Variants in IGSF11 observed in about 807,000 individuals in gnomAD.
IGSF11 encodes the protein CXADR like 1.
IGSF11 carries 22 observed loss-of-function variants against 41.0 expected under a neutral mutation model. That is an observed-to-expected ratio of 0.54 (90% CI 0.38 to 0.77). The LOEUF is 0.77. Among genes scored for constraint, IGSF11 ranks in the 30% least tolerant of loss-of-function variants. The probability of loss-of-function intolerance (pLI) is 0.00; values close to 1 mark genes in which losing one functional copy is unlikely to be tolerated. For synonymous variants in IGSF11, 219 were observed against 201.3 expected (o/e 1.09, Z -0.74); for missense variants, 444 against 530.8 (o/e 0.84, Z 1.61).
At chr3:119,107,246 C>T (rs1004217107), upstream of IGSF11, among the ~76,000 whole-genome samples, 1 of 152,182 alleles carries the variant, frequency 6.6e-6, no homozygotes. Flanking sequence ...CTCTCCAGCA[C>T]CTGTTGTTTC....
At chr3:118,946,204 G>GCACA (rs148772016) in intron 1 of IGSF11, among the ~76,000 whole-genome samples, 282 of 140,718 alleles carry the variant, frequency 2.0e-3, no homozygotes, top group Middle Eastern at 7.1e-3. Flanking sequence ...ACACACACAC[G>GCACA]CACACACACA....
At chr3:118,976,330 C>T (rs1426170489) in intron 1 of IGSF11, among the ~76,000 whole-genome samples, 3 of 152,152 alleles carry the variant, frequency 2.0e-5, no homozygotes, top group Non-Finnish European at 4.4e-5. Context: ...TCTTTTTTGG[C>T]TAATGGTAAC....
At chr3:119,061,778 G>GTT (rs11394485) in intron 1 of IGSF11, among the ~76,000 whole-genome samples, 3,359 of 149,318 alleles carry the variant, frequency 0.022, 51 homozygotes, top group Non-Finnish European at 0.027. Context: ...TTTAACTATA[G>GTT]TTTTTTTTTT....
intron 1 of IGSF11, among the ~76,000 whole-genome samples, chr3:119,080,375 C>T (rs2107479950): frequency 6.6e-6 from 1 of 152,254 alleles, no homozygotes; most frequent in African/African-American, 2.4e-5. Flanking sequence ...TCTCATTTTA[C>T]TCCAAAAAAA....
intron 1 of IGSF11, among the ~76,000 whole-genome samples, chr3:119,020,387 C>T (rs1939170372): frequency 6.6e-6 from 1 of 152,312 alleles, no homozygotes; most frequent in Middle Eastern, 3.4e-3. Flanking sequence ...TGCACAGCTG[C>T]ACAGCATACA....
chr3:118,916,106 G>A (rs1941049868), intron 4 of IGSF11, among the ~76,000 whole-genome samples: 1 of 149,958 alleles, frequency 6.7e-6, no homozygotes, highest in Non-Finnish European at 1.5e-5. Context: ...CCTGAAGGAA[G>A]CGCTAAACAT....
chr3:118,956,881 T>C (rs528478631), intron 1 of IGSF11, among the ~76,000 whole-genome samples: 1 of 152,266 alleles, frequency 6.6e-6, no homozygotes, highest in Admixed American at 6.5e-5. Flanking sequence ...ACCTTCAATG[T>C]GTGAAAAATG....
chr3:119,095,022 TGAAAAA>T (rs2076827535), intron 1 of IGSF11, among the ~76,000 whole-genome samples: 1 of 152,080 alleles, frequency 6.6e-6, no homozygotes, highest in African/African-American at 2.4e-5. Flanking sequence ...TGTAATATTA[TGAAAAA>T]CTTTCCTGAA....
At chr3:118,954,488 G>A (rs966724097) in intron 1 of IGSF11, among the ~76,000 whole-genome samples, 3 of 152,088 alleles carry the variant, frequency 2.0e-5, no homozygotes, top group African/African-American at 7.2e-5. Context: ...CATGCACAAG[G>A]GTTGGAATCA....
At chr3:118,935,182 A>C (rs1943148426) in intron 1 of IGSF11, among the ~76,000 whole-genome samples, 1 of 150,058 alleles carries the variant, frequency 6.7e-6, no homozygotes, top group Non-Finnish European at 1.5e-5. Flanking sequence ...CATGTTGCTA[A>C]ATTGATCTAA....
At chr3:119,024,197 A>C (rs573792292) in intron 1 of IGSF11, among the ~76,000 whole-genome samples, 316 of 152,356 alleles carry the variant, frequency 2.1e-3, no homozygotes, top group African/African-American at 7.1e-3. Context: ...TACACATATT[A>C]ATCAACAAGC....
chr3:119,116,300 T>C (rs2077255236), intron 1 of IGSF11, among the ~76,000 whole-genome samples: 1 of 152,154 alleles, frequency 6.6e-6, no homozygotes, highest in Admixed American at 6.5e-5. Flanking sequence ...ATTGGTCTTT[T>C]GCTCTTGGAC....
rs149422291 is a variant in IGSF11 at position 118,984,781 on chromosome 3, C to T, written c.52+49750G>A. Among the ~76,000 whole-genome samples, 64 of 152,222 alleles carry T rather than the reference C, an allele frequency of 4.2e-4. 2 individuals are homozygous for T. The East Asian group carries it at 5.6e-3, about 13-fold the overall frequency. On this transcript the variant is annotated intron_variant, in intron 1 of 6. Coordinates refer to ENST00000393775, the MANE Select transcript of IGSF11 (RefSeq NM_001015887.3). ...GAAATAAAATGAAGTGTACCCTCCA[C>T]GCTGAGACAAGAGGAGGGAAAGGTA...
intron 1 of IGSF11, among the ~76,000 whole-genome samples, chr3:119,139,574 G>A (rs1257995962): frequency 6.6e-6 from 1 of 152,160 alleles, no homozygotes; most frequent in Non-Finnish European, 1.5e-5. Flanking sequence ...CATGTAAGAC[G>A]TGACTTGCTC....
intron 1 of IGSF11, among the ~76,000 whole-genome samples, chr3:119,054,884 AG>A (rs2107441674): frequency 6.9e-6 from 1 of 145,958 alleles, no homozygotes; most frequent in Non-Finnish European, 1.5e-5. Flanking sequence ...TGCCTCCTCA[AG>A]TGGGTCCCTG....
At chr3:118,911,292 T>C (rs903377520) in intron 4 of IGSF11, among the ~76,000 whole-genome samples, 4 of 152,252 alleles carry the variant, frequency 2.6e-5, no homozygotes, top group Non-Finnish European at 4.4e-5. Flanking sequence ...TCAGTTAGAA[T>C]AACATCTTGA....
rs572465032 is a variant in IGSF11 at position 118,960,077 on chromosome 3, C to T, written c.53-29802G>A. ...AAAAAAAAAGAAATAACAAATGTGT[C>T]GAACAAAAAGGTTATACACCCAGGT... is the stretch of plus-strand genomic sequence containing the variant. On this transcript the variant is annotated intron_variant, in intron 1 of 6. Coordinates refer to ENST00000393775, the MANE Select transcript of IGSF11 (RefSeq NM_001015887.3). Among the ~76,000 whole-genome samples the T allele has an allele frequency of 3.2e-4, 48 of 151,326 alleles. 1 individual carries two copies. The East Asian group carries it at 7.8e-3, about 24-fold the overall frequency.
intron 1 of IGSF11, chr3:119,012,776 T>C (rs559982669): frequency 1.3e-5 from 2 of 152,364 alleles, no homozygotes; most frequent in African/African-American, 4.8e-5. Context: ...GAATCTCACA[T>C]GATCTTTAAC....
chr3:118,975,872 CA>C, intron 1 of IGSF11, among the ~76,000 whole-genome samples: 1 of 152,036 alleles, frequency 6.6e-6, no homozygotes, highest in South Asian at 2.1e-4. Flanking sequence ...TACTGGGGGG[CA>C]GGGGGAGGAA....
Sources: gnomAD v4.1 joint callset for allele counts (sites outside exome capture counted in the v4.1 genomes callset) on GRCh38, gnomAD v4.1.1 for gene constraint, MANE v1.5 for transcripts, NCBI Gene and HGNC (gene_info 2026-07-23, HGNC 2026-07-21) for gene names.